Variants in SNAP91 observed in about 807,000 individuals in gnomAD.
SNAP91 encodes the protein synaptosome associated protein 91.
SNAP91 carries 27 observed loss-of-function variants against 100.3 expected under a neutral mutation model. The ratio of observed to expected loss-of-function variants is 0.27; its 90% CI spans 0.20 to 0.37. The LOEUF is 0.37. Among genes scored for constraint, SNAP91 ranks in the 10% least tolerant of loss-of-function variants. SNAP91 has a pLI of 1.00. For synonymous variants in SNAP91, 404 were observed against 398.6 expected, an observed-to-expected ratio of 1.01 and a Z score of -0.16; for missense variants, 986 against 1,123.7, an observed-to-expected ratio of 0.88 and a Z score of 1.75.
intron 9 of SNAP91, among the ~76,000 whole-genome samples, chr6:83,620,969 C>T (rs1370736764): frequency 6.6e-6 from 1 of 152,094 alleles, no homozygotes; most frequent in Non-Finnish European, 1.5e-5. Flanking sequence ...TCCCAAAGTG[C>T]TGGGATTACA....
chr6:83,596,680 A>AC (rs5877855), intron 16 of SNAP91, among the ~76,000 whole-genome samples: 115,803 of 151,970 alleles, frequency 0.76, 44,413 homozygotes, highest in East Asian at 0.88. Context: ...GATTAGCTCA[A>AC]TTAGCCATTC....
intron 7 of SNAP91, among the ~76,000 whole-genome samples, chr6:83,650,354 T>C (rs555223458): frequency 2.6e-4 from 40 of 152,316 alleles, no homozygotes; most frequent in African/African-American, 9.6e-4. Context: ...GTTCAGGACA[T>C]AATACAAGAT....
At chr6:83,682,064 TC>T (rs965490882) in intron 2 of SNAP91, among the ~76,000 whole-genome samples, 6 of 151,638 alleles carry the variant, frequency 4.0e-5, no homozygotes, top group African/African-American at 1.5e-4. Flanking sequence ...CTCTCTCCAA[TC>T]CTGGAGAAAA....
chr6:83,584,433 G>C (rs1344642478), intron 22 of SNAP91, among the ~76,000 whole-genome samples: 2 of 151,970 alleles, frequency 1.3e-5, no homozygotes, highest in African/African-American at 4.8e-5. Context: ...CATTTACCTA[G>C]GACACTCTGC....
At chr6:83,674,483 G>C (rs1435641516) in intron 2 of SNAP91, among the ~76,000 whole-genome samples, 5 of 152,016 alleles carry the variant, frequency 3.3e-5, no homozygotes, top group South Asian at 4.2e-4. Flanking sequence ...CCTTAGTTGG[G>C]GTATTCTGTT....
Position 83,593,489 on chromosome 6 carries a change from T to A in SNAP91, c.1685A>T (p.Asp562Val), listed in dbSNP as rs531350180. 4 of 1,551,500 alleles carry A rather than the reference T, an allele frequency of 2.6e-6. No homozygotes were observed. The highest frequency in any genetic ancestry group is 1.4e-5 in the African/African-American group (1 of 73,066). The change falls in exon 18 of 30, where the codon GAT (aspartate) becomes GTT (valine). Residue 562 changes from aspartate to valine, a missense_variant. Physicochemically the swap from Asp to Val is radical, Grantham distance 152. Coordinates refer to ENST00000369694, the MANE Select transcript of SNAP91 (RefSeq NM_001242792.2). ...TAACAAAAAATTACCACCAAAGATA[T>A]CTAGAGCAGGAGGAGCAGTGGTGGC... Reference protein sequence around the residue: ...ATATTAPPALDIFGDLFESTP... With the variant: ...ATATTAPPALVIFGDLFESTP...
At chr6:83,685,058 A>T (rs1441936193) in intron 2 of SNAP91, among the ~76,000 whole-genome samples, 1 of 152,228 alleles carries the variant, frequency 6.6e-6, no homozygotes, top group Non-Finnish European at 1.5e-5. Context: ...TCCTGTTAGA[A>T]AAAGAAGCAA....
rs1194743928 is a variant in SNAP91, at chr6:83,560,121, C to T, written c.2614G>A (p.Ala872Thr). 9.9e-6 allele frequency: 16 copies of T among 1,613,616 alleles called. No homozygotes were observed. Among genetic ancestry groups the T allele is most frequent in the African/African-American group, 5.3e-5 (4 of 74,896 alleles). The change falls in exon 28 of 30, where the codon GCT becomes ACT. Residue 872 changes from alanine (A) to threonine (T), a missense_variant. Physicochemically the swap from Ala to Thr is moderately conservative, Grantham distance 58. Around this residue, in one of 4 missense-constraint regions of SNAP91, gnomAD observed 71 missense variants for 68.5 expected, o/e 1.04. Coordinates refer to ENST00000369694, the MANE Select transcript of SNAP91 (RefSeq NM_001242792.2). The part of the protein sequence containing the change: ...PMMRPPFGAA[A>T]VPGTQLSPSP... The stretch of plus-strand genomic sequence containing the variant: ...AAACTGACCTGCGTGCCAGGTACAG[C>T]GGCAGCTCCAAAGGGGGGCCTCATC...
intron 8 of SNAP91, among the ~76,000 whole-genome samples, chr6:83,638,389 CTAATGACTG>C (rs927198662): frequency 6.6e-6 from 1 of 152,058 alleles, no homozygotes; most frequent in African/African-American, 2.4e-5. Context: ...AATTATCCTT[CTAATGACTG>C]AACTTTGGCT....
chr6:83,601,795 G>A (rs1486086747), intron 14 of SNAP91, among the ~76,000 whole-genome samples, 196 bp from the exon 15 acceptor site: 1 of 152,156 alleles, frequency 6.6e-6, no homozygotes, highest in Non-Finnish European at 1.5e-5. Context: ...GGGACCTAGA[G>A]ATCCTCTAGA....
intron 16 of SNAP91, among the ~76,000 whole-genome samples, chr6:83,596,001 T>C (rs913579862): frequency 6.6e-6 from 1 of 152,214 alleles, no homozygotes; most frequent in Admixed American, 6.5e-5. Context: ...ATTCATATCT[T>C]ATGGATTAAT....
intron 11 of SNAP91, chr6:83,611,589 C>A: frequency 3.4e-6 from 1 of 293,360 alleles, no homozygotes; most frequent in East Asian, 1.1e-4. Context: ...ATAGCAGCAG[C>A]AAAACAAAAT....
intron 9 of SNAP91, 118 bp from the exon 10 acceptor site, chr6:83,617,157 A>G (rs1050042876): frequency 1.9e-6 from 1 of 539,530 alleles, no homozygotes; most frequent in African/African-American, 2.0e-5. Flanking sequence ...TATATGTGAG[A>G]TAATTTAATT....
chr6:83,560,437 C>A (rs1785325060), intron 27 of SNAP91, among the ~76,000 whole-genome samples: 1 of 152,152 alleles, frequency 6.6e-6, no homozygotes, highest in Non-Finnish European at 1.5e-5. Flanking sequence ...GTATCCCCAT[C>A]CCAACCAAGC....
chr6:83,640,848 T>A (rs1585150335), intron 8 of SNAP91, among the ~76,000 whole-genome samples: 1 of 152,126 alleles, frequency 6.6e-6, no homozygotes, highest in Non-Finnish European at 1.5e-5. Context: ...GAGCTTATTA[T>A]CCATGAAACT....
intron 2 of SNAP91, among the ~76,000 whole-genome samples, chr6:83,690,684 A>G (rs190148308): frequency 1.3e-5 from 2 of 152,214 alleles, no homozygotes; most frequent in African/African-American, 2.4e-5. Context: ...TTCTGCTTGT[A>G]TATCTCATGC....
intron 9 of SNAP91, among the ~76,000 whole-genome samples, chr6:83,618,562 C>T (rs1283099832): frequency 6.6e-6 from 1 of 151,386 alleles, no homozygotes; most frequent in East Asian, 1.9e-4. Flanking sequence ...AGATTATAAA[C>T]TATAAAGAAA....
At chr6:83,682,821 C>CT (rs544106858) in intron 2 of SNAP91, among the ~76,000 whole-genome samples, 356 of 147,232 alleles carry the variant, frequency 2.4e-3, no homozygotes, top group Middle Eastern at 3.5e-3. Context: ...TTAAATTAGC[C>CT]TTTTTTTTTG....
chr6:83,685,895 AT>A (rs1489114945), intron 2 of SNAP91, among the ~76,000 whole-genome samples: 2 of 152,186 alleles, frequency 1.3e-5, no homozygotes, highest in Non-Finnish European at 2.9e-5. Context: ...CTGTGCTTCC[AT>A]CTTTTTAAAA....
Sources: gnomAD v4.1 joint callset for allele counts (sites outside exome capture counted in the v4.1 genomes callset) on GRCh38, gnomAD v4.1.1 for gene constraint, gnomAD v4.1.1 regional missense constraint, MANE v1.5 for transcripts, NCBI Gene and HGNC (gene_info 2026-07-23, HGNC 2026-07-21) for gene names.